Variants in POFUT2 observed in about 807,000 individuals in gnomAD.
The protein encoded by POFUT2 is GDP-fucose protein O-fucosyltransferase 2.
Under a neutral mutation model 55.0 loss-of-function variants are expected in POFUT2, and 30 were observed. That is an observed-to-expected ratio of 0.55 (90% CI 0.41 to 0.74). The LOEUF (loss-of-function observed/expected upper bound fraction) is 0.74. POFUT2 is among the 30% of genes least tolerant of loss of function. POFUT2 has a pLI of 0.00. For missense variants in POFUT2, 524 were observed against 562.6 expected (o/e 0.93, Z 0.69); for synonymous variants, 267 against 231.1 (o/e 1.16, Z -1.41).
intron 7 of POFUT2, among the ~76,000 whole-genome samples, chr21:45,268,400 G>A (rs34838240): frequency 0.28 from 42,357 of 148,946 alleles, 5,526 homozygotes; most frequent in East Asian, 0.41. Context: ...CTGCCCGGCC[G>A]CCACCCCATC....
chr21:45,275,053 C>T (rs1292509553), intron 6 of POFUT2, among the ~76,000 whole-genome samples: 5 of 152,152 alleles, frequency 3.3e-5, no homozygotes, highest in Admixed American at 6.5e-5. Flanking sequence ...TATCCAGAAT[C>T]TACAAGGAAA....
At position 45,269,915 on chromosome 21, in the gene POFUT2, G is replaced by A. The variant is rs149698576; in HGVS notation, c.936C>T (p.Ala312=). 1.3e-4 allele frequency: 209 copies of A among 1,610,096 alleles called. No individual in the cohort carries two copies. Among genetic ancestry groups the A allele is most frequent in the Non-Finnish European group, 1.6e-4 (193 of 1,178,794 alleles). ...TCATGAGGCTGCGGATCTTCCTCAC[G>A]GCCCCTTCCAGACTGGGTACATCCT... ...HRQDVPSLEG[A]VRKIRSLMKT... is the part of the protein sequence containing the mutation. Residue 312 remains alanine (A), a synonymous_variant, in exon 7 of 9, where the codon GCC becomes GCT. Coordinates refer to ENST00000349485, the MANE Select transcript of POFUT2 (RefSeq NM_133635.6).
Position 45,285,804 on chromosome 21 carries a change from A to G in POFUT2, c.256T>C (p.Trp86Arg), listed in dbSNP as rs201144923. 22 of 1,613,670 alleles carry G rather than the reference A, an allele frequency of 1.4e-5. No homozygotes were observed. In the African/African-American group the frequency reaches 2.8e-4, roughly 21 times the overall value. ...TEEWVLVLPP[W>R]GRLYHWQSPD... The stretch of plus-strand genomic sequence containing the variant: ...CTCTGCCAGTGATAGAGGCGGCCCC[A>G]TGGAGGCAGGACAAGCACCCACTCC... Residue 86 changes from tryptophan (W) to arginine (R), a missense_variant, in exon 2 of 9, where the codon TGG (tryptophan) becomes CGG (arginine). Around this residue, in one of 2 missense-constraint regions of POFUT2, gnomAD observed 274 missense variants for 244.4 expected, o/e 1.12. Coordinates refer to ENST00000349485, the MANE Select transcript of POFUT2 (RefSeq NM_133635.6). The surrounding 1 kb of genome is among the most constrained non-coding windows in gnomAD (Gnocchi z 4.9).
rs758098497 is a variant in POFUT2, at chr21:45,269,902, G to A, written c.949C>T (p.Arg317Cys). The change falls in exon 7 of 9, where the codon CGC (arginine) becomes TGC (cysteine). Residue 317 changes from arginine (R) to cysteine (C), a missense_variant. Coordinates refer to ENST00000349485, the MANE Select transcript of POFUT2 (RefSeq NM_133635.6). ...PSLEGAVRKIRSLMKTHRLDK... is the reference protein window; with the variant it reads ...PSLEGAVRKICSLMKTHRLDK... The stretch of plus-strand genomic sequence containing the variant: ...AGCCGGTGGGTCTTCATGAGGCTGC[G>A]GATCTTCCTCACGGCCCCTTCCAGA... The A allele has an allele frequency of 6.2e-6, 10 of 1,610,844 alleles. No individual in the cohort carries two copies. The highest frequency in any genetic ancestry group is 1.1e-5 in the South Asian group (1 of 90,368).
In POFUT2 at chr21:45,270,300, C is replaced by T. The variant is rs576097529; in HGVS notation, c.832-281G>A. On this transcript the variant is annotated intron_variant, in intron 6 of 8. Coordinates refer to ENST00000349485, the MANE Select transcript of POFUT2 (RefSeq NM_133635.6). This position sits in a 1 kb window ranked among gnomAD's most constrained non-coding sequence, Gnocchi z 4.6. ...AGCATGTGGAGGCTCACGCTGTGAACTTTTCCTCCGAGAACCACCGCAGGG... is the reference window on the plus strand; with the variant it reads ...AGCATGTGGAGGCTCACGCTGTGAATTTTTCCTCCGAGAACCACCGCAGGG... 5.8e-4 allele frequency among the ~76,000 whole-genome samples: 89 copies of T among 152,194 alleles called. No individual in the cohort carries two copies. The highest frequency in any genetic ancestry group is 2.1e-3 in the African/African-American group (88 of 41,524).
rs1000471690 is a variant in POFUT2, at chr21:45,281,624, G to C, written c.638+725C>G. ...CTGATGGCCTCTAGAGGCACACACA[G>C]GGCACGACAGCAGACAAGGCAGCCT... is the stretch of plus-strand genomic sequence containing the variant. On this transcript the variant is annotated intron_variant, in intron 4 of 8. Coordinates refer to ENST00000349485, the MANE Select transcript of POFUT2 (RefSeq NM_133635.6). The surrounding 1 kb of genome is among the most constrained non-coding windows in gnomAD (Gnocchi z 5.0). Among the ~76,000 whole-genome samples the C allele has an allele frequency of 3.3e-5, 5 of 152,182 alleles. No individual in the cohort carries two copies. The highest frequency in any genetic ancestry group is 7.2e-5 in the African/African-American group (3 of 41,520).
Position 45,283,434 on chromosome 21 carries a change from C to A in POFUT2, c.476G>T (p.Arg159Leu). Residue 159 changes from arginine to leucine, a missense_variant, in exon 3 of 9, where the codon CGG becomes CTG. Coordinates refer to ENST00000349485, the MANE Select transcript of POFUT2 (RefSeq NM_133635.6). ...GTACAGGAGCTGATCAATACACGGCCGCTCGTCCACCTTCTCTTCCCAGGT... is the reference window on the plus strand; with the variant it reads ...GTACAGGAGCTGATCAATACACGGCAGCTCGTCCACCTTCTCTTCCCAGGT... ...EGTWEEKVDE[R>L]PCIDQLLYSQ... The A allele has an allele frequency of 6.2e-7, 1 of 1,613,652 alleles. No homozygotes were observed.
chr21:45,282,984 C>G lies in POFUT2; in HGVS notation c.527+399G>C, dbSNP rs763161443. On this transcript the variant is annotated intron_variant, in intron 3 of 8. Transcript: ENST00000349485. The surrounding 1 kb of genome is among the most constrained non-coding windows in gnomAD (Gnocchi z 4.6). The stretch of plus-strand genomic sequence containing the variant: ...ATGAAAAGACACAGGGAAAGAGGCA[C>G]GGGGTCTCAGCCAGATGTTCATCAC... 2 of 465,286 alleles carry G rather than the reference C, an allele frequency of 4.3e-6. No individual in the cohort carries two copies. Among genetic ancestry groups the G allele is most frequent in the Non-Finnish European group, 8.9e-6 (2 of 223,974 alleles). The allele number at this position is 465,286 out of a possible 1,614,324, so 28.8% of individuals were successfully genotyped here. A position where few individuals can be genotyped will look rare whatever the true frequency, so the allele number is the denominator to read the frequency against.
chr21:45,277,954 A>G lies in POFUT2; in HGVS notation c.705+149T>C. 2 of 749,186 alleles carry G rather than the reference A, an allele frequency of 2.7e-6. No homozygotes were observed. Among genetic ancestry groups the G allele is most frequent in the Non-Finnish European group, 2.3e-6 (1 of 428,830 alleles). The allele number at this position is 749,186 out of a possible 1,614,324, so 46.4% of individuals were successfully genotyped here. On this transcript the variant is annotated intron_variant, in intron 5 of 8. Coordinates refer to ENST00000349485, the MANE Select transcript of POFUT2 (RefSeq NM_133635.6). The surrounding 1 kb of genome is among the most constrained non-coding windows in gnomAD (Gnocchi z 6.9). ...GCCACGTGAGGCTTGGGGGTGGCAC[A>G]GTCACCGCAGTTGCCCAAATCCATG...
At chr21:45,276,946 A>C in intron 6 of POFUT2, 71 bp downstream of exon 6, 1 of 1,518,472 alleles carries the variant, frequency 6.6e-7, no homozygotes, top group Non-Finnish European at 9.0e-7. Context: ...CTTTACATGG[A>C]AGGCCTGAGT....
Position 45,286,709 on chromosome 21 carries a change from A to G in POFUT2, c.132-781T>C, listed in dbSNP as rs1318649429. 2.0e-5 allele frequency among the ~76,000 whole-genome samples: 3 copies of G among 152,294 alleles called. No individual in the cohort carries two copies. The East Asian group carries it at 5.8e-4, about 29-fold the overall frequency. ...TCCCCAAGGCACAGACAAGTCCCCA[A>G]GGGCTACAGAAACCCTGTCCCTGGC... On this transcript the variant is annotated intron_variant, in intron 1 of 8. Coordinates refer to ENST00000349485, the MANE Select transcript of POFUT2 (RefSeq NM_133635.6).
At chr21:45,268,445 T>A (rs924017877) in intron 7 of POFUT2, among the ~76,000 whole-genome samples, 5 of 148,870 alleles carry the variant, frequency 3.4e-5, no homozygotes, top group Non-Finnish European at 3.0e-5. Context: ...TGGCCGCCCA[T>A]CGTCTGGGAT....
In POFUT2 at chr21:45,287,857, G is replaced by A; in HGVS notation, c.15C>T (p.Ser5=). MATL[S]FVFLLLGAVS... Reference sequence around the variant, plus strand: ...CTGCCCCCAGCAGCAGGAAGACGAAGCTGAGTGTCGCCATGGCCCCGGGCG... The same window carrying A: ...CTGCCCCCAGCAGCAGGAAGACGAAACTGAGTGTCGCCATGGCCCCGGGCG... The change falls in exon 1 of 9, where the codon AGC becomes AGT. Residue 5 remains serine (S), a synonymous_variant. Transcript: ENST00000349485. 2 of 1,403,592 alleles carry A rather than the reference G, an allele frequency of 1.4e-6. No individual in the cohort carries two copies. The highest frequency in any genetic ancestry group is 2.9e-5 in the Admixed American group (1 of 34,450). 86.9% of individuals were successfully genotyped at this position (1,403,592 alleles called of 1,614,324 possible). A position where few individuals can be genotyped will look rare whatever the true frequency, so the allele number is the denominator to read the frequency against.
At position 45,270,099 on chromosome 21, in the gene POFUT2, C is replaced by T. The variant is rs578187938; in HGVS notation, c.832-80G>A. 1,209 of 1,187,414 alleles carry T rather than the reference C, an allele frequency of 1.0e-3. 16 individuals carry two copies. In the South Asian group the frequency reaches 0.016, roughly 16 times the overall value. 73.6% of individuals were successfully genotyped at this position (1,187,414 alleles called of 1,614,324 possible). On this transcript the variant is annotated intron_variant, in intron 6 of 8. Coordinates refer to ENST00000349485, the MANE Select transcript of POFUT2 (RefSeq NM_133635.6). This position sits in a 1 kb window ranked among gnomAD's most constrained non-coding sequence, Gnocchi z 4.6. ...CCTGGGCACCGGGTGGGACTCGAGA[C>T]GCAGAGGGATGACCCTTTCCATGTG...
chr21:45,265,672 A>ACT lies in POFUT2; in HGVS notation c.1137-39_1137-38dup. 5.2e-6 allele frequency: 4 copies of ACT among 775,854 alleles called. No individual in the cohort carries two copies. Among genetic ancestry groups the ACT allele is most frequent in the Non-Finnish European group, 6.9e-6 (4 of 582,054 alleles). 48.1% of individuals were successfully genotyped at this position (775,854 alleles called of 1,614,324 possible). On this transcript the variant is annotated intron_variant, in intron 8 of 8. Transcript: ENST00000349485. This position sits in a 1 kb window ranked among gnomAD's most constrained non-coding sequence, Gnocchi z 4.6. ...CACAGAGGTTCCAGAGTCAGGGAGA[A>ACT]CTGGCGTCACAGAGGTTCCAGAGTC... is the stretch of plus-strand genomic sequence containing the variant.
chr21:45,286,339 A>G (rs2031404638), intron 1 of POFUT2, among the ~76,000 whole-genome samples: 3 of 152,228 alleles, frequency 2.0e-5, no homozygotes. Flanking sequence ...TCAGCTAAAA[A>G]TAAGAAGCCA....
rs1255856626 is a variant in POFUT2, at chr21:45,277,247, C to G, written c.706-105G>C. 8.3e-6 allele frequency: 12 copies of G among 1,449,020 alleles called. No homozygotes were observed. In the African/African-American group the frequency reaches 1.5e-4, roughly 19 times the overall value. 89.8% of individuals were successfully genotyped at this position (1,449,020 alleles called of 1,614,324 possible). A position where few individuals can be genotyped will look rare whatever the true frequency, so the allele number is the denominator to read the frequency against. ...CCACCACCCACCCCCGCAGCTGGAA[C>G]AAGCCCCTCAGACACGTCATCCACG... On this transcript the variant is annotated intron_variant, in intron 5 of 8. Coordinates refer to ENST00000349485, the MANE Select transcript of POFUT2 (RefSeq NM_133635.6). This position sits in a 1 kb window ranked among gnomAD's most constrained non-coding sequence, Gnocchi z 6.9.
At position 45,267,136 on chromosome 21, in the gene POFUT2, G is replaced by A; in HGVS notation, c.1136+454C>T. On this transcript the variant is annotated intron_variant, in intron 8 of 8. Transcript: ENST00000349485. This position sits in a 1 kb window ranked among gnomAD's most constrained non-coding sequence, Gnocchi z 4.4. ...ACGAGGGCCCATGCTCCCAGCCTTG[G>A]GGACGCTCATGGCAGCCCCACGAGA... 8.1e-7 allele frequency: 1 copy of A among 1,234,224 alleles called. No homozygotes were observed. Among genetic ancestry groups the A allele is most frequent in the Non-Finnish European group, 1.0e-6 (1 of 977,662 alleles). 76.5% of individuals were successfully genotyped at this position (1,234,224 alleles called of 1,614,324 possible).
rs2093164809 is a variant in POFUT2 at position 45,267,284 on chromosome 21, G to A, written c.1136+306C>T. 2.1e-6 allele frequency: 3 copies of A among 1,448,076 alleles called. No individual in the cohort carries two copies. In the East Asian group the frequency reaches 7.4e-5, roughly 36 times the overall value. The allele number at this position is 1,448,076 out of a possible 1,614,324, so 89.7% of individuals were successfully genotyped here. On this transcript the variant is annotated intron_variant, in intron 8 of 8. Coordinates refer to ENST00000349485, the MANE Select transcript of POFUT2 (RefSeq NM_133635.6). The surrounding 1 kb of genome is among the most constrained non-coding windows in gnomAD (Gnocchi z 4.4). ...CTCTCAGGGCAGGGGGCAGACAGGG[G>A]CAGAAACCGGGAATGATGGGAAAAT...
Sources: gnomAD v4.1 joint callset for allele counts (sites outside exome capture counted in the v4.1 genomes callset) on GRCh38, gnomAD v4.1.1 for gene constraint, gnomAD v4.1.1 regional missense constraint, Gnocchi (gnomAD v3.1) non-coding constraint, MANE v1.5 for transcripts, NCBI Gene and HGNC (gene_info 2026-07-23, HGNC 2026-07-21) for gene names.